FOXN3: variants seen among roughly 807,000 people sequenced by gnomAD.
FOXN3 encodes the protein forkhead box protein N3.
Under a neutral mutation model 38.4 loss-of-function variants are expected in FOXN3, and 7 were observed. The ratio of observed to expected loss-of-function variants is 0.18; its 90% CI spans 0.10 to 0.34. The LOEUF (loss-of-function observed/expected upper bound fraction) is 0.34. Among genes scored for constraint, FOXN3 ranks in the 10% least tolerant of loss-of-function variants. The probability of loss-of-function intolerance (pLI) is 1.00; values close to 1 mark genes in which losing one functional copy is unlikely to be tolerated. For synonymous variants in FOXN3, 230 were observed against 242.2 expected (o/e 0.95, Z 0.47); for missense variants, 456 against 613.4 (o/e 0.74, Z 2.71).
chr14:89,417,882 A>T, upstream of FOXN3: 1 of 385,668 alleles, frequency 2.6e-6, no homozygotes, highest in South Asian at 1.8e-5. Context: ...GCACCGTCCT[A>T]AAGGCCACGC....
At chr14:89,357,280 G>A (rs1889269085) in intron 2 of FOXN3, among the ~76,000 whole-genome samples, 1 of 152,136 alleles carries the variant, frequency 6.6e-6, no homozygotes, top group African/African-American at 2.4e-5. Flanking sequence ...CCCCAACCTG[G>A]GCAACAGAGC....
chr14:89,213,972 C>A (rs572259799), intron 4 of FOXN3, among the ~76,000 whole-genome samples: 1 of 152,180 alleles, frequency 6.6e-6, no homozygotes, highest in African/African-American at 2.4e-5. Context: ...AATGAGTTTT[C>A]TCACGGATCT....
At chr14:89,313,019 T>C (rs1451301058) in intron 3 of FOXN3, among the ~76,000 whole-genome samples, 1 of 152,206 alleles carries the variant, frequency 6.6e-6, no homozygotes, top group Non-Finnish European at 1.5e-5. Flanking sequence ...AGGACAACTC[T>C]AGAACAGTCC....
chr14:89,288,979 C>T (rs1028855380), intron 3 of FOXN3, among the ~76,000 whole-genome samples: 3 of 151,048 alleles, frequency 2.0e-5, no homozygotes, highest in South Asian at 2.1e-4. Context: ...GCCAGGAGTT[C>T]GAGACCAGCC....
intron 1 of FOXN3, among the ~76,000 whole-genome samples, chr14:89,465,392 GC>G (rs1892958894): frequency 1.3e-5 from 2 of 152,268 alleles, no homozygotes; most frequent in Admixed American, 1.3e-4. Flanking sequence ...ACCACTCCCA[GC>G]TAATTTTTGT....
rs924500561 is a variant in FOXN3 at position 89,292,842 on chromosome 14, C to T, written c.681-11828G>A. On this transcript the variant is annotated intron_variant, in intron 3 of 5. Transcript: ENST00000557258. ...GTCACTCCAGCCTCTCTCCCCTCTC[C>T]ACCGCACGACCTCCCACATGCACTC... Among the ~76,000 whole-genome samples the T allele has an allele frequency of 3.3e-5, 5 of 152,342 alleles. No homozygotes were observed. In the South Asian group the frequency reaches 8.3e-4, roughly 25 times the overall value.
chr14:89,241,897 C>A (rs895421400), intron 4 of FOXN3, among the ~76,000 whole-genome samples: 16 of 152,178 alleles, frequency 1.1e-4, no homozygotes, highest in African/African-American at 3.9e-4. Flanking sequence ...CGGAGCTCTG[C>A]CTCTCCCCAC....
At chr14:89,476,517 T>C (rs1412654093) in intron 1 of FOXN3, among the ~76,000 whole-genome samples, 2 of 152,214 alleles carry the variant, frequency 1.3e-5, no homozygotes, top group African/African-American at 2.4e-5. Context: ...CTCAAATGAC[T>C]TGATCTCTGG....
chr14:89,568,643 G>C (rs2139890965), intron 1 of FOXN3, among the ~76,000 whole-genome samples: 1 of 152,294 alleles, frequency 6.6e-6, no homozygotes, highest in African/African-American at 2.4e-5. Flanking sequence ...TGTTCCACTT[G>C]TCTGTTTACT....
chr14:89,440,063 T>G (rs562403875), intron 1 of FOXN3, among the ~76,000 whole-genome samples: 24 of 152,286 alleles, frequency 1.6e-4, no homozygotes, highest in African/African-American at 5.5e-4. Flanking sequence ...TTGGGACCCC[T>G]TTCCTGTAAC....
chr14:89,453,098 C>G (rs1228196315), intron 1 of FOXN3, among the ~76,000 whole-genome samples: 2 of 152,054 alleles, frequency 1.3e-5, no homozygotes, highest in Non-Finnish European at 2.9e-5. Context: ...ACTCATGAGG[C>G]TGAGGCAGGA....
chr14:89,492,122 T>C (rs1394232313), intron 1 of FOXN3, among the ~76,000 whole-genome samples: 1 of 152,222 alleles, frequency 6.6e-6, no homozygotes, highest in East Asian at 1.9e-4. Context: ...TTTTTTGTTC[T>C]CCAGTGTCAG....
intron 3 of FOXN3, among the ~76,000 whole-genome samples, chr14:89,282,656 A>G (rs950049380): frequency 1.3e-5 from 2 of 152,244 alleles, no homozygotes; most frequent in Admixed American, 6.5e-5. Context: ...ATTTATAAAG[A>G]TATTTTAAAA....
intron 2 of FOXN3, among the ~76,000 whole-genome samples, chr14:89,375,179 ATGG>A (rs1890440040): frequency 6.6e-6 from 1 of 152,196 alleles, no homozygotes; most frequent in Non-Finnish European, 1.5e-5. Context: ...CCTGACAGTA[ATGG>A]TGGTTACAGA....
intron 1 of FOXN3, among the ~76,000 whole-genome samples, chr14:89,445,927 T>C (rs1360094926): frequency 6.8e-6 from 1 of 147,564 alleles, no homozygotes; most frequent in African/African-American, 2.5e-5. Flanking sequence ...CAGAAAACTT[T>C]AAAAATTAGC....
chr14:89,371,268 G>T (rs1402976217), intron 2 of FOXN3, among the ~76,000 whole-genome samples: 1 of 152,066 alleles, frequency 6.6e-6, no homozygotes. Flanking sequence ...CTTTGGGAGG[G>T]ATCTCTTCTG....
chr14:89,339,271 G>A (rs1295223991), intron 3 of FOXN3, among the ~76,000 whole-genome samples: 1 of 152,192 alleles, frequency 6.6e-6, no homozygotes, highest in East Asian at 1.9e-4. Context: ...ACCACGCCCA[G>A]CCTAAGACAA....
chr14:89,366,899 C>T (rs1157998660), intron 2 of FOXN3, among the ~76,000 whole-genome samples: 2 of 152,176 alleles, frequency 1.3e-5, no homozygotes, highest in Non-Finnish European at 2.9e-5. Flanking sequence ...AGTTACTCAT[C>T]TATTTTTAAA....
intron 4 of FOXN3, among the ~76,000 whole-genome samples, chr14:89,269,476 T>G (rs2139902183): frequency 6.6e-6 from 1 of 151,026 alleles, no homozygotes; most frequent in South Asian, 2.1e-4. Flanking sequence ...TTGCTTTTTG[T>G]TTTGTTTTGT....
Sources: allele counts gnomAD v4.1 joint callset (sites outside exome capture counted in the v4.1 genomes callset), GRCh38; gene constraint gnomAD v4.1.1; transcripts MANE v1.5; gene names NCBI Gene and HGNC (gene_info 2026-07-23, HGNC 2026-07-21).